DAB1: variants seen among roughly 807,000 people sequenced by gnomAD.
DAB1 encodes disabled homolog 1.
In DAB1, 15 loss-of-function variants were observed where a neutral mutation model predicts 64.6. The observed-to-expected ratio is 0.23, with a 90% confidence interval of 0.16 to 0.36. The LOEUF (loss-of-function observed/expected upper bound fraction) is 0.36. Ranked by LOEUF, DAB1 falls within the 10% of genes least tolerant of loss-of-function variation. The probability of loss-of-function intolerance (pLI) is 1.00; values close to 1 mark genes in which losing one functional copy is unlikely to be tolerated. For synonymous variants in DAB1, 235 were observed against 251.9 expected (o/e 0.93, Z 0.64); for missense variants, 596 against 706.7 (o/e 0.84, Z 1.78).
intron 3 of DAB1, among the ~76,000 whole-genome samples, chr1:58,499,109 T>C (rs1312717766): frequency 2.6e-5 from 4 of 152,052 alleles, no homozygotes; most frequent in African/African-American, 7.2e-5. Flanking sequence ...GAGGACATTA[T>C]GCTAAGTGAA....
At chr1:57,396,968 G>A (rs1682860090) in intron 1 of DAB1, among the ~76,000 whole-genome samples, 2 of 152,102 alleles carry the variant, frequency 1.3e-5, no homozygotes, top group South Asian at 4.1e-4. Context: ...AGAAGCATAA[G>A]GCAATATAGT....
At chr1:57,258,872 T>A (rs1000878670) in intron 2 of DAB1, among the ~76,000 whole-genome samples, 3 of 151,646 alleles carry the variant, frequency 2.0e-5, no homozygotes, top group African/African-American at 7.3e-5. Flanking sequence ...GTGAGGAGGG[T>A]GAGTTCTGCA....
intron 9 of DAB1, among the ~76,000 whole-genome samples, chr1:57,049,646 G>A (rs888219111): frequency 5.3e-5 from 8 of 151,792 alleles, no homozygotes; most frequent in Admixed American, 1.3e-4. Flanking sequence ...AACTCATCTC[G>A]CTTTTTCATC....
chr1:58,286,314 T>C (rs1349415888), intron 4 of DAB1, among the ~76,000 whole-genome samples: 1 of 152,106 alleles, frequency 6.6e-6, no homozygotes, highest in African/African-American at 2.4e-5. Context: ...AATTGACAAA[T>C]GGGATCTAAT....
At chr1:57,499,586 G>A (rs1435148866) in intron 7 of DAB1, among the ~76,000 whole-genome samples, 2 of 152,234 alleles carry the variant, frequency 1.3e-5, no homozygotes, top group Admixed American at 6.5e-5. Context: ...AGTTTGTCCC[G>A]GACTGGTGTT....
intron 7 of DAB1, among the ~76,000 whole-genome samples, chr1:57,645,633 T>C (rs961366128): frequency 6.6e-6 from 1 of 152,208 alleles, no homozygotes; most frequent in African/African-American, 2.4e-5. Context: ...CCCTTTCACA[T>C]GCATTATTTT....
intron 4 of DAB1, among the ~76,000 whole-genome samples, chr1:58,266,870 T>C (rs1569582730): frequency 6.6e-6 from 1 of 152,252 alleles, no homozygotes; most frequent in East Asian, 1.9e-4. Context: ...GTACTCTTAC[T>C]GTAATCCATC....
chr1:57,658,567 T>C (rs1358524889), intron 6 of DAB1, among the ~76,000 whole-genome samples: 1 of 151,656 alleles, frequency 6.6e-6, no homozygotes, highest in Non-Finnish European at 1.5e-5. Context: ...CCTCCCAAAG[T>C]TTCTTATTTT....
chr1:58,460,167 A>G (rs1030131079), intron 3 of DAB1, among the ~76,000 whole-genome samples: 1 of 151,976 alleles, frequency 6.6e-6, no homozygotes, highest in Admixed American at 6.5e-5. Flanking sequence ...ACAAGAGTTG[A>G]AGCACAAAGT....
chr1:58,142,620 A>T (rs1052329676), intron 5 of DAB1, among the ~76,000 whole-genome samples: 1 of 152,258 alleles, frequency 6.6e-6, no homozygotes, highest in Non-Finnish European at 1.5e-5. Flanking sequence ...GCCCTGGGCC[A>T]GGGAAGAAAA....
downstream of DAB1, among the ~76,000 whole-genome samples, chr1:57,825,895 C>A (rs149681464): frequency 4.3e-4 from 66 of 152,246 alleles, no homozygotes; most frequent in African/African-American, 1.3e-3. Flanking sequence ...CATTTCTGAT[C>A]TCCTGGGTCT....
intron 2 of DAB1, among the ~76,000 whole-genome samples, chr1:57,232,125 A>T (rs1298095310): frequency 6.6e-6 from 1 of 151,982 alleles, no homozygotes; most frequent in African/African-American, 2.4e-5. Context: ...CCCATGCCCT[A>T]TTAAGACATG....
At chr1:57,695,299 GGAAAGAAAGAAA>G (rs763060862) in intron 6 of DAB1, among the ~76,000 whole-genome samples, 1 of 37,188 alleles carries the variant, frequency 2.7e-5, no homozygotes, top group Non-Finnish European at 6.7e-5. Context: ...GGAGAGAGAA[GGAAAGAAAGAAA>G]GAAAGAAAGA....
intron 7 of DAB1, among the ~76,000 whole-genome samples, chr1:57,446,627 C>T (rs963303129): frequency 6.6e-6 from 1 of 151,348 alleles, no homozygotes; most frequent in African/African-American, 2.4e-5. Flanking sequence ...TTTAGAGAAT[C>T]CAGTTTTAGC....
At chr1:57,714,478 C>T (rs979158317) in intron 6 of DAB1, among the ~76,000 whole-genome samples, 1 of 152,154 alleles carries the variant, frequency 6.6e-6, no homozygotes, top group Non-Finnish European at 1.5e-5. Context: ...GAAGCTTTTT[C>T]TGGGGAGAAG....
intron 1 of DAB1, among the ~76,000 whole-genome samples, chr1:57,343,553 G>A (rs1354544805): frequency 2.0e-5 from 3 of 152,240 alleles, no homozygotes; most frequent in Admixed American, 6.5e-5. Context: ...GAGGTCGGGG[G>A]AGGCTCAGGC....
intron 7 of DAB1, among the ~76,000 whole-genome samples, chr1:57,456,914 TC>T (rs1686617015): frequency 6.6e-6 from 1 of 152,150 alleles, no homozygotes; most frequent in African/African-American, 2.4e-5. Context: ...GAATGCCATT[TC>T]TAACCTTCCA....
At chr1:58,128,139 C>A (rs1473600891) in intron 5 of DAB1, among the ~76,000 whole-genome samples, 11 of 152,040 alleles carry the variant, frequency 7.2e-5, no homozygotes, top group Non-Finnish European at 1.5e-4. Flanking sequence ...TTTCCTGGAG[C>A]AGTGGTTTGC....
chr1:58,500,464 A>G (rs1315113764), intron 3 of DAB1, among the ~76,000 whole-genome samples: 2 of 152,212 alleles, frequency 1.3e-5, no homozygotes, highest in African/African-American at 4.8e-5. Context: ...TAAACGTGTA[A>G]GAATGATTTA....
Sources: gnomAD v4.1 joint callset for allele counts (sites outside exome capture counted in the v4.1 genomes callset) on GRCh38, gnomAD v4.1.1 for gene constraint, MANE v1.5 for transcripts, NCBI Gene and HGNC (gene_info 2026-07-23, HGNC 2026-07-21) for gene names.